WWOX: variants seen among roughly 807,000 people sequenced by gnomAD.
WWOX encodes the protein WW domain-containing oxidoreductase.
A neutral mutation model predicts 46.2 loss-of-function variants in WWOX; 69 were observed. The ratio of observed to expected loss-of-function variants is 1.49; its 90% CI spans 1.23 to 1.82. The LOEUF (loss-of-function observed/expected upper bound fraction) is 1.82. WWOX is among the 40% of genes most tolerant of loss of function. The pLI is 0.00. For synonymous variants in WWOX, 359 were observed against 202.6 expected (o/e 1.77, Z -6.56); for missense variants, 919 against 542.6 (o/e 1.69, Z -6.89).
At chr16:78,530,049 A>T (rs2151511509) in intron 8 of WWOX, among the ~76,000 whole-genome samples, 1 of 151,882 alleles carries the variant, frequency 6.6e-6, no homozygotes, top group South Asian at 2.1e-4. Flanking sequence ...ACTCACTTGA[A>T]CCCCCTGCAC....
intron 8 of WWOX, among the ~76,000 whole-genome samples, chr16:78,844,792 G>T (rs981384277): frequency 6.6e-6 from 1 of 152,080 alleles, no homozygotes; most frequent in African/African-American, 2.4e-5. Flanking sequence ...ATGTATCCCC[G>T]GCCAGAGTTG....
At chr16:78,179,954 C>A (rs76159824) in intron 5 of WWOX, among the ~76,000 whole-genome samples, 1,730 of 152,246 alleles carry the variant, frequency 0.011, 29 homozygotes, top group African/African-American at 0.026. Flanking sequence ...CAGCAGTAAT[C>A]CTGCCATTGT....
chr16:78,904,111 G>C (rs1417269712), intron 8 of WWOX, among the ~76,000 whole-genome samples: 3 of 152,026 alleles, frequency 2.0e-5, no homozygotes, highest in African/African-American at 4.8e-5. Flanking sequence ...GAAAACTGCA[G>C]AGCTTTTGCA....
At chr16:78,298,880 A>G (rs1803470898) in intron 5 of WWOX, among the ~76,000 whole-genome samples, 1 of 152,098 alleles carries the variant, frequency 6.6e-6, no homozygotes, top group African/African-American at 2.4e-5. Flanking sequence ...TCCCTGAGAC[A>G]TAGTAAGGCC....
At chr16:78,680,919 TG>T (rs968638247) in intron 8 of WWOX, among the ~76,000 whole-genome samples, 3 of 152,114 alleles carry the variant, frequency 2.0e-5, no homozygotes, top group Non-Finnish European at 4.4e-5. Context: ...GAGACCAGCC[TG>T]GGTAACATAG....
chr16:78,798,876 G>A (rs1185843178), intron 8 of WWOX, among the ~76,000 whole-genome samples: 4 of 152,170 alleles, frequency 2.6e-5, no homozygotes, highest in African/African-American at 9.6e-5. Flanking sequence ...ATTAGGCAGT[G>A]TCCTTTTCTC....
At chr16:78,281,854 T>G (rs917160745) in intron 5 of WWOX, among the ~76,000 whole-genome samples, 5 of 152,204 alleles carry the variant, frequency 3.3e-5, no homozygotes, top group Admixed American at 6.5e-5. Flanking sequence ...ATTCAGAGCT[T>G]AAATATGTCA....
intron 8 of WWOX, among the ~76,000 whole-genome samples, chr16:79,041,504 G>C (rs2047970636): frequency 6.6e-6 from 1 of 152,218 alleles, no homozygotes; most frequent in Admixed American, 6.5e-5. Flanking sequence ...CAGGGATCAT[G>C]CTCATTAAGT....
At chr16:79,046,596 G>T (rs1481374758) in intron 8 of WWOX, among the ~76,000 whole-genome samples, 2 of 152,108 alleles carry the variant, frequency 1.3e-5, no homozygotes, top group Non-Finnish European at 2.9e-5. Flanking sequence ...GTTTCTCCCA[G>T]TTCCTCCCCA....
chr16:78,918,905 G>C (rs1299693813), intron 8 of WWOX, among the ~76,000 whole-genome samples: 4 of 152,102 alleles, frequency 2.6e-5, no homozygotes, highest in African/African-American at 9.7e-5. Context: ...CCTATTCCAA[G>C]AACACAGAGG....
At chr16:78,433,195 T>C (rs983363368) in intron 8 of WWOX, among the ~76,000 whole-genome samples, 8 of 152,194 alleles carry the variant, frequency 5.3e-5, no homozygotes, top group Admixed American at 5.2e-4. Context: ...AAACTGTATC[T>C]TTTGTTCTAA....
At chr16:78,540,745 G>A (rs2043871984) in intron 8 of WWOX, among the ~76,000 whole-genome samples, 1 of 152,036 alleles carries the variant, frequency 6.6e-6, no homozygotes, top group African/African-American at 2.4e-5. Flanking sequence ...GCAGTGCAGT[G>A]ACATGATCAT....
At chr16:78,657,344 C>G (rs780490499) in intron 8 of WWOX, among the ~76,000 whole-genome samples, 1 of 152,100 alleles carries the variant, frequency 6.6e-6, no homozygotes, top group Non-Finnish European at 1.5e-5. Flanking sequence ...GGGAAGGGGA[C>G]TTTCTTGCTT....
intron 5 of WWOX, among the ~76,000 whole-genome samples, chr16:78,320,316 C>G (rs985545692): frequency 1.3e-5 from 2 of 152,094 alleles, no homozygotes; most frequent in African/African-American, 4.8e-5. Flanking sequence ...TGTTTTTTAT[C>G]CCCTTCGGTG....
chr16:78,294,580 T>C (rs1030164850), intron 5 of WWOX, among the ~76,000 whole-genome samples: 1 of 152,156 alleles, frequency 6.6e-6, no homozygotes, highest in Non-Finnish European at 1.5e-5. Flanking sequence ...CATAATTATC[T>C]ATTTGTGTGT....
chr16:78,219,286 A>G (rs1008848410), intron 5 of WWOX, among the ~76,000 whole-genome samples: 3 of 150,852 alleles, frequency 2.0e-5, no homozygotes, highest in Non-Finnish European at 2.9e-5. Context: ...ATGAATCTAG[A>G]TGAACATTGA....
chr16:78,765,427 C>A (rs576617059), intron 8 of WWOX, among the ~76,000 whole-genome samples: 1 of 152,230 alleles, frequency 6.6e-6, no homozygotes, highest in South Asian at 2.1e-4. Context: ...ACTTATAATC[C>A]CAGCACTTTG....
At chr16:79,074,001 G>GAA (rs567900145) in intron 8 of WWOX, among the ~76,000 whole-genome samples, 1 of 150,802 alleles carries the variant, frequency 6.6e-6, no homozygotes, top group African/African-American at 2.4e-5. Context: ...AAGGTCTGAG[G>GAA]AAAAAAAAAG....
At chr16:78,309,511 C>A (rs2080198392) in intron 5 of WWOX, among the ~76,000 whole-genome samples, 1 of 152,150 alleles carries the variant, frequency 6.6e-6, no homozygotes, top group Admixed American at 6.5e-5. Context: ...CCTTTATGGA[C>A]CAAACCAATG....
Sources: allele counts gnomAD v4.1 joint callset (sites outside exome capture counted in the v4.1 genomes callset), GRCh38; gene constraint gnomAD v4.1.1; transcripts MANE v1.5; gene names NCBI Gene and HGNC (gene_info 2026-07-23, HGNC 2026-07-21).